The following KIAA1586 variants were observed in gnomAD, a reference collection of about 807,000 sequenced individuals.
KIAA1586 encodes the protein E3 SUMO-protein ligase KIAA1586.
KIAA1586 carries 5 observed loss-of-function variants against 6.1 expected under a neutral mutation model. The ratio of observed to expected loss-of-function variants is 0.82; its 90% CI spans 0.43 to 1.73. The LOEUF (loss-of-function observed/expected upper bound fraction) is 1.73, where lower values mean the gene tolerates loss of function less well. Among genes scored for constraint, KIAA1586 ranks in the 40% most tolerant of loss-of-function variants. The pLI is 0.02. For synonymous variants in KIAA1586, 280 were observed against 301.7 expected (o/e 0.93, Z 0.75); for missense variants, 899 against 878.2 (o/e 1.02, Z -0.30).
At position 57,054,628 on chromosome 6, in the gene KIAA1586, G is replaced by T; in HGVS notation, c.2129G>T (p.Gly710Val). 1 of 1,590,650 alleles carries T rather than the reference G, an allele frequency of 6.3e-7. No individual in the cohort carries two copies. The change falls in exon 4 of 4, where the codon GGT (glycine) becomes GTT (valine). Residue 710 changes from glycine (G) to valine (V), a missense_variant. Transcript: ENST00000370733. ...ATCAATAGTGCTGAAGCTGAAAGGG[G>T]TTTCAATTTAATGAACATAATTTGT... is the stretch of plus-strand genomic sequence containing the variant. ...IAINSAEAER[G>V]FNLMNIICTR...
chr6:57,053,197 A>G lies in KIAA1586; in HGVS notation c.698A>G (p.Asn233Ser), dbSNP rs1443885159. Residue 233 changes from asparagine to serine, a missense_variant, in exon 4 of 4, where the codon AAT (asparagine) becomes AGT (serine). Physicochemically the swap from Asn to Ser is conservative, Grantham distance 46 (BLOSUM62 1). Coordinates refer to ENST00000370733, the MANE Select transcript of KIAA1586 (RefSeq NM_020931.4). ...LKESTNDSIC[N>S]LVHKQNNKNI... Reference sequence around the variant, plus strand: ...GAATCAACTAATGATTCAATTTGTAATTTAGTGCATAAACAAAATAATAAA... The same window carrying G: ...GAATCAACTAATGATTCAATTTGTAGTTTAGTGCATAAACAAAATAATAAA... 1.2e-6 allele frequency: 2 copies of G among 1,605,318 alleles called. No individual in the cohort carries two copies. Among genetic ancestry groups the G allele is most frequent in the Admixed American group, 3.5e-5 (2 of 57,764 alleles).
At position 57,052,284 on chromosome 6, in the gene KIAA1586, A is replaced by T. The variant is rs1282804661; in HGVS notation, c.187-402A>T. ...TGGCATTGATATTATATTAGGTATT[A>T]AAAATAATCTAGAAATGACCTCAAG... On this transcript the variant is annotated intron_variant, in intron 3 of 3. Coordinates refer to ENST00000370733, the MANE Select transcript of KIAA1586 (RefSeq NM_020931.4). Among the ~76,000 whole-genome samples the T allele has an allele frequency of 2.0e-5, 3 of 152,244 alleles. No homozygotes were observed. In the East Asian group the frequency reaches 5.8e-4, roughly 29 times the overall value.
At chr6:57,049,570 A>G (rs1364843079) in intron 2 of KIAA1586, among the ~76,000 whole-genome samples, 1 of 152,154 alleles carries the variant, frequency 6.6e-6, no homozygotes, top group Non-Finnish European at 1.5e-5. Flanking sequence ...AGATTTGGGG[A>G]TACAAAAAGA....
At chr6:57,051,241 A>T (rs1199132293) in intron 3 of KIAA1586, among the ~76,000 whole-genome samples, 1 of 151,646 alleles carries the variant, frequency 6.6e-6, no homozygotes, top group Non-Finnish European at 1.5e-5. Context: ...CAAAAAAAAA[A>T]AAAAAAATCT....
the KIAA1586 span, among the ~76,000 whole-genome samples, chr6:57,061,968 G>A: frequency 4.9e-5 from 7 of 142,562 alleles, no homozygotes; most frequent in South Asian, 2.2e-4. Context: ...GTCTCACTCC[G>A]TTGCCCAGGC....
At chr6:57,059,047 G>T (rs1593053802), downstream of KIAA1586, among the ~76,000 whole-genome samples, 1 of 152,076 alleles carries the variant, frequency 6.6e-6, no homozygotes, top group Non-Finnish European at 1.5e-5. Flanking sequence ...TGGAACAATT[G>T]GGTTTGTGAG....
In KIAA1586 at chr6:57,053,801, A is replaced by C. The variant is rs1002340537; in HGVS notation, c.1302A>C (p.Ile434=). The change falls in exon 4 of 4, where the codon ATA becomes ATC. Residue 434 remains isoleucine, a synonymous_variant. Coordinates refer to ENST00000370733, the MANE Select transcript of KIAA1586 (RefSeq NM_020931.4). ...QLSLDDSISE[I]KQINHLKIFI... is the part of the protein sequence containing the mutation. ...CACTTGATGATTCTATATCCGAAAT[A>C]AAACAAATTAATCATTTAAAAATAT... 2.0e-6 allele frequency: 3 copies of C among 1,527,922 alleles called. No homozygotes were observed. The highest frequency in any genetic ancestry group is 2.7e-6 in the Non-Finnish European group (3 of 1,129,290). 94.6% of individuals were successfully genotyped at this position (1,527,922 alleles called of 1,614,324 possible).
At chr6:57,049,051 G>A (rs966550097) in intron 2 of KIAA1586, among the ~76,000 whole-genome samples, 7 of 151,722 alleles carry the variant, frequency 4.6e-5, no homozygotes, top group Non-Finnish European at 7.4e-5. Flanking sequence ...TATATCCAGC[G>A]TGATAGAACC....
downstream of KIAA1586, among the ~76,000 whole-genome samples, chr6:57,056,039 A>T (rs1828492492): frequency 1.3e-5 from 2 of 152,136 alleles, no homozygotes; most frequent in Admixed American, 1.3e-4. Context: ...CCAGATGTGA[A>T]ATAGCTGAGA....
At position 57,050,757 on chromosome 6, in the gene KIAA1586, G is replaced by T; in HGVS notation, c.106-17G>T. The T allele has an allele frequency of 6.4e-7, 1 of 1,564,342 alleles. No homozygotes were observed. The highest frequency in any genetic ancestry group is 1.1e-5 in the South Asian group (1 of 89,000). ...ATGATTGTTCATGACTTGTAAATTT[G>T]CCCACTTCCTTTTTAGGAAGGACCA... On this transcript the variant is annotated splice_polypyrimidine_tract_variant and intron_variant, in intron 2 of 3. Coordinates refer to ENST00000370733, the MANE Select transcript of KIAA1586 (RefSeq NM_020931.4).
chr6:57,052,080 TATTC>T (rs1232538449), intron 3 of KIAA1586, among the ~76,000 whole-genome samples: 1 of 152,242 alleles, frequency 6.6e-6, no homozygotes, highest in Non-Finnish European at 1.5e-5. Context: ...ACTTTCATCT[TATTC>T]ATTAATGTAA....
At position 57,053,290 on chromosome 6, in the gene KIAA1586, C is replaced by G. The variant is rs753098470; in HGVS notation, c.791C>G (p.Ser264Cys). The G allele has an allele frequency of 1.2e-6, 2 of 1,611,288 alleles. No individual in the cohort carries two copies. Among genetic ancestry groups the G allele is most frequent in the African/African-American group, 1.3e-5 (1 of 74,678 alleles). Residue 264 changes from serine to cysteine, a missense_variant, in exon 4 of 4, where the codon TCT (serine) becomes TGT (cysteine). By Grantham distance (112) the Ser-to-Cys change is moderately radical. Transcript: ENST00000370733. ...TTAGTAAAACATAACAGACCTTTAT[C>G]TGATATTGAGGGGGCAAGAGAATTA... ...YSLVKHNRPL[S>C]DIEGARELQE...
At position 57,047,970 on chromosome 6, in the gene KIAA1586, C is replaced by CT. The variant is rs548918368; in HGVS notation, c.105+574_105+575insT. On this transcript the variant is annotated intron_variant, in intron 2 of 3. Coordinates refer to ENST00000370733, the MANE Select transcript of KIAA1586 (RefSeq NM_020931.4). ...TCAAGCCTTAGTAAGTATAAACAGG[C>CT]AGATTCCTGGGCCCCACTGCAGACC... Among the ~76,000 whole-genome samples the CT allele has an allele frequency of 4.7e-5, 7 of 147,610 alleles. No individual in the cohort carries two copies. In the East Asian group the frequency reaches 1.2e-3, roughly 25 times the overall value.
chr6:57,051,231 C>CAA (rs773856302), intron 3 of KIAA1586, among the ~76,000 whole-genome samples: 5 of 86,504 alleles, frequency 5.8e-5, no homozygotes, highest in African/African-American at 8.4e-5. Flanking sequence ...GACTCCTTCT[C>CAA]AAAAAAAAAA....
chr6:57,062,155 T>C, the KIAA1586 span, among the ~76,000 whole-genome samples: 1 of 152,102 alleles, frequency 6.6e-6, no homozygotes, highest in Non-Finnish European at 1.5e-5. Flanking sequence ...GGTCTCAAAC[T>C]CCTGAGCTCA....
chr6:57,058,584 C>T (rs1828528206), downstream of KIAA1586, among the ~76,000 whole-genome samples: 1 of 152,054 alleles, frequency 6.6e-6, no homozygotes, highest in Non-Finnish European at 1.5e-5. Flanking sequence ...ACCCAATATC[C>T]TATGGCATAT....
At chr6:57,056,891 T>C (rs1053807694), downstream of KIAA1586, among the ~76,000 whole-genome samples, 2 of 152,094 alleles carry the variant, frequency 1.3e-5, no homozygotes, top group African/African-American at 2.4e-5. Flanking sequence ...AAGAAATTGT[T>C]AGAAAATTAT....
Position 57,053,833 on chromosome 6 carries a change from A to C in KIAA1586, c.1334A>C (p.Asp445Ala), listed in dbSNP as rs755282578. The change falls in exon 4 of 4, where the codon GAT becomes GCT. Residue 445 changes from aspartate (D) to alanine (A), a missense_variant. Asp to Ala is a moderately radical substitution (Grantham distance 126). Transcript: ENST00000370733. Reference sequence around the variant, plus strand: ...ATTAATCATTTAAAAATATTTATTGATAAAATTTATTCTATTTATCATCAA... The same window carrying C: ...ATTAATCATTTAAAAATATTTATTGCTAAAATTTATTCTATTTATCATCAA... ...KQINHLKIFI[D>A]KIYSIYHQPN... is the part of the protein sequence containing the mutation. 1.0e-5 allele frequency: 15 copies of C among 1,494,116 alleles called. No homozygotes were observed. Among genetic ancestry groups the C allele is most frequent in the Admixed American group, 6.3e-5 (3 of 47,672 alleles). The allele number at this position is 1,494,116 out of a possible 1,614,324, so 92.6% of individuals were successfully genotyped here. A position where few individuals can be genotyped will look rare whatever the true frequency, so the allele number is the denominator to read the frequency against.
At chr6:57,049,470 A>G (rs1018332333) in intron 2 of KIAA1586, among the ~76,000 whole-genome samples, 1 of 152,162 alleles carries the variant, frequency 6.6e-6, no homozygotes, top group Non-Finnish European at 1.5e-5. Context: ...TCTAGCCTTC[A>G]TTCTGCGTTG....
Sources: allele counts gnomAD v4.1 joint callset (sites outside exome capture counted in the v4.1 genomes callset), GRCh38; gene constraint gnomAD v4.1.1; transcripts MANE v1.5; gene names NCBI Gene and HGNC (gene_info 2026-07-23, HGNC 2026-07-21).